The following AKAIN1 variants were observed in gnomAD, a reference collection of about 807,000 sequenced individuals.
The protein encoded by AKAIN1 is A-kinase anchor protein inhibitor 1.
In AKAIN1, 3 loss-of-function variants were observed where a neutral mutation model predicts 3.7. The ratio of observed to expected loss-of-function variants is 0.82; its 90% CI spans 0.37 to 2.12. The LOEUF is 2.12. Among genes scored for constraint, AKAIN1 ranks in the 30% most tolerant of loss-of-function variants. The pLI is 0.06. For synonymous variants in AKAIN1, 31 were observed against 30.8 expected, an observed-to-expected ratio of 1.01 and a Z score of -0.02; for missense variants, 82 against 82.7, an observed-to-expected ratio of 0.99 and a Z score of 0.03.
intron 1 of AKAIN1, among the ~76,000 whole-genome samples, chr18:5,189,269 T>G (rs561225554): frequency 8.5e-5 from 13 of 152,294 alleles, no homozygotes; most frequent in Admixed American, 3.9e-4. Flanking sequence ...CTTTGTAATC[T>G]TTCTCCCATT....
intron 1 of AKAIN1, among the ~76,000 whole-genome samples, chr18:5,160,076 C>T (rs1467095123): frequency 6.6e-6 from 1 of 152,164 alleles, no homozygotes; most frequent in Admixed American, 6.5e-5. Context: ...GCCTTGCCTA[C>T]ACATGTGCAG....
intron 1 of AKAIN1, among the ~76,000 whole-genome samples, chr18:5,189,719 C>G (rs927975106): frequency 2.0e-5 from 3 of 151,838 alleles, no homozygotes; most frequent in Non-Finnish European, 2.9e-5. Context: ...ACCACTTAAA[C>G]AATCTCTGAG....
chr18:5,194,872 C>T (rs1442697534), intron 1 of AKAIN1, among the ~76,000 whole-genome samples: 1 of 152,104 alleles, frequency 6.6e-6, no homozygotes, highest in Non-Finnish European at 1.5e-5. Flanking sequence ...AGTGTATTTC[C>T]TTTAACTAGT....
At chr18:5,170,265 A>C (rs2071190144) in intron 1 of AKAIN1, among the ~76,000 whole-genome samples, 2 of 152,166 alleles carry the variant, frequency 1.3e-5, no homozygotes, top group Non-Finnish European at 2.9e-5. Flanking sequence ...ATCAGGTTCC[A>C]AGGATCTCCA....
At chr18:5,145,836 T>C in intron 1 of AKAIN1, 81 bp from the exon 2 acceptor site, 1 of 1,243,498 alleles carries the variant, frequency 8.0e-7, no homozygotes, top group Non-Finnish European at 1.1e-6. Context: ...AGGAGAAAGA[T>C]GGGAGGGAAG....
intron 1 of AKAIN1, among the ~76,000 whole-genome samples, chr18:5,150,606 G>A (rs1358483875): frequency 6.6e-6 from 1 of 152,024 alleles, no homozygotes; most frequent in African/African-American, 2.4e-5. Flanking sequence ...TCATCCCCAG[G>A]CATCCACATG....
chr18:5,197,275 G>GGGA (rs771115854), upstream of AKAIN1: 1 of 1,372,886 alleles, frequency 7.3e-7, no homozygotes, highest in Non-Finnish European at 9.3e-7. The surrounding 1 kb of genome is among the most constrained non-coding windows in gnomAD (Gnocchi z 6.9). Flanking sequence ...CAGCGGCGGC[G>GGGA]GGAGGAGGAG....
chr18:5,197,092 AAGAC>A lies in AKAIN1; in HGVS notation c.-43_-40del, dbSNP rs1264718254. The A allele has an allele frequency of 5.8e-6, 9 of 1,551,226 alleles. No individual in the cohort carries two copies. Among genetic ancestry groups the A allele is most frequent in the Non-Finnish European group, 7.8e-6 (9 of 1,146,882 alleles). On this transcript the variant is annotated 5_prime_UTR_variant, in exon 1 of 2. Coordinates refer to ENST00000434239, the MANE Select transcript of AKAIN1 (RefSeq NM_001145194.2). This position sits in a 1 kb window ranked among gnomAD's most constrained non-coding sequence, Gnocchi z 6.9. ...CGCTACGCCCCCAGATTAAGAGAGAAAGACAGGCAGACGGAGGATGGGAAGAAGG... is the reference window on the plus strand; with the variant it reads ...CGCTACGCCCCCAGATTAAGAGAGAAAGGCAGACGGAGGATGGGAAGAAGG...
At chr18:5,149,901 A>G (rs549642452) in intron 1 of AKAIN1, among the ~76,000 whole-genome samples, 1 of 152,072 alleles carries the variant, frequency 6.6e-6, no homozygotes, top group East Asian at 1.9e-4. Context: ...CTTGGTCTCA[A>G]ACTCCTGGGC....
chr18:5,181,061 A>T (rs1309744357), intron 1 of AKAIN1, among the ~76,000 whole-genome samples: 1 of 151,882 alleles, frequency 6.6e-6, no homozygotes, highest in Admixed American at 6.6e-5. Context: ...GGTGAGATGG[A>T]AGGATCCCTT....
intron 1 of AKAIN1, among the ~76,000 whole-genome samples, chr18:5,171,858 A>G (rs8094661): frequency 0.53 from 80,876 of 152,034 alleles, 21,874 homozygotes; most frequent in African/African-American, 0.58. Flanking sequence ...CAAAAGAAAG[A>G]AAATCAGTAT....
At chr18:5,152,238 G>A (rs2071084300) in intron 1 of AKAIN1, among the ~76,000 whole-genome samples, 1 of 152,192 alleles carries the variant, frequency 6.6e-6, no homozygotes. Flanking sequence ...CCTACAGACA[G>A]GATAGCTGAC....
chr18:5,162,305 A>G (rs1302957632), intron 1 of AKAIN1, among the ~76,000 whole-genome samples: 1 of 152,078 alleles, frequency 6.6e-6, no homozygotes, highest in Admixed American at 6.6e-5. Flanking sequence ...TGCTGCTCTG[A>G]CTGCTCTCTT....
rs2071040172 is a variant in AKAIN1, at chr18:5,144,980, C to T, written c.*582G>A. Among the ~76,000 whole-genome samples, 1 of 152,186 alleles carries T rather than the reference C, an allele frequency of 6.6e-6. No individual in the cohort carries two copies. Reference sequence around the variant, plus strand: ...GAGTTCTTGAGAAACTTAAACTCCTCCCTTTCTTAAAATAACATAAATATT... The same window carrying T: ...GAGTTCTTGAGAAACTTAAACTCCTTCCTTTCTTAAAATAACATAAATATT... On this transcript the variant is annotated 3_prime_UTR_variant, in exon 2 of 2. Coordinates refer to ENST00000434239, the MANE Select transcript of AKAIN1 (RefSeq NM_001145194.2).
In AKAIN1 at chr18:5,192,462, T is replaced by C. The variant is rs577697471; in HGVS notation, c.16+4576A>G. ...CTTTCTTTCTTTTTCTTTTCTTTGG[T>C]AGAGACAAGGACTATGTTCTAAAAT... On this transcript the variant is annotated intron_variant, in intron 1 of 1. Transcript: ENST00000434239. Among the ~76,000 whole-genome samples, 482 of 150,668 alleles carry C rather than the reference T, an allele frequency of 3.2e-3. 4 individuals are homozygous for C. Among genetic ancestry groups the C allele is most frequent in the African/African-American group, 0.011 (457 of 40,728 alleles).
rs181876702 is a variant in AKAIN1 at position 5,191,187 on chromosome 18, A to G, written c.16+5851T>C. 2.6e-3 allele frequency among the ~76,000 whole-genome samples: 391 copies of G among 152,314 alleles called. 2 individuals are homozygous for G. The highest frequency in any genetic ancestry group is 9.1e-3 in the African/African-American group (378 of 41,578). On this transcript the variant is annotated intron_variant, in intron 1 of 1. Coordinates refer to ENST00000434239, the MANE Select transcript of AKAIN1 (RefSeq NM_001145194.2). Reference sequence around the variant, plus strand: ...TACTAGAAGCACTAGTCTGTACAAAAAGGCGTAAAATTAGAAAAGAAGAAA... The same window carrying G: ...TACTAGAAGCACTAGTCTGTACAAAGAGGCGTAAAATTAGAAAAGAAGAAA...
intron 1 of AKAIN1, among the ~76,000 whole-genome samples, chr18:5,187,008 A>G (rs1360669427): frequency 1.3e-5 from 2 of 152,162 alleles, no homozygotes; most frequent in Admixed American, 1.3e-4. Flanking sequence ...ATGAAAATAC[A>G]ACATCAAAAT....
intron 1 of AKAIN1, among the ~76,000 whole-genome samples, chr18:5,177,334 C>T (rs2071232179): frequency 6.6e-6 from 1 of 152,052 alleles, no homozygotes; most frequent in Admixed American, 6.5e-5. Context: ...GATGAAGTAA[C>T]TGTCCTCAAA....
chr18:5,197,005 A>G lies in AKAIN1; in HGVS notation c.16+33T>C. ...CCGTCCTCTACCCTGCTCCCCTCCT[A>G]GACACTTGGTGAAAAAGCAAGGTGC... On this transcript the variant is annotated intron_variant, in intron 1 of 1. Coordinates refer to ENST00000434239, the MANE Select transcript of AKAIN1 (RefSeq NM_001145194.2). This position sits in a 1 kb window ranked among gnomAD's most constrained non-coding sequence, Gnocchi z 6.9. 6.5e-7 allele frequency: 1 copy of G among 1,530,754 alleles called. No homozygotes were observed. 94.8% of individuals were successfully genotyped at this position (1,530,754 alleles called of 1,614,324 possible). A position where few individuals can be genotyped will look rare whatever the true frequency, so the allele number is the denominator to read the frequency against.
Sources: gnomAD v4.1 joint callset for allele counts (sites outside exome capture counted in the v4.1 genomes callset) on GRCh38, gnomAD v4.1.1 for gene constraint, Gnocchi (gnomAD v3.1) non-coding constraint, MANE v1.5 for transcripts, NCBI Gene and HGNC (gene_info 2026-07-23, HGNC 2026-07-21) for gene names.